The following FSIP2 variants were observed in gnomAD, a reference collection of about 807,000 sequenced individuals.
FSIP2 encodes fibrous sheath-interacting protein 2.
Under a neutral mutation model 510.5 loss-of-function variants are expected in FSIP2, and 367 were observed. The observed-to-expected ratio is 0.72, with a 90% CI of 0.66 to 0.78. FSIP2 has a LOEUF of 0.78. Among genes scored for constraint, FSIP2 ranks in the 30% least tolerant of loss-of-function variants. FSIP2 has a pLI of 0.00. For missense variants in FSIP2, 7,594 were observed against 7,901.7 expected (o/e 0.96, Z 1.48); for synonymous variants, 2,601 against 2,732.2 (o/e 0.95, Z 1.50).
Position 185,790,350 on chromosome 2 carries a change from C to G in FSIP2, c.3214C>G (p.Pro1072Ala). The change falls in exon 16 of 23, where the codon CCA becomes GCA. Residue 1072 changes from proline (P) to alanine (A), a missense_variant. By Grantham distance (27) the Pro-to-Ala change is conservative. Transcript: ENST00000424728. ...TCATGATTGGGAATTAAAGACTGAG[C>G]CACCATCTACTAATCATGAAGATAT... is the stretch of plus-strand genomic sequence containing the variant. ...AFHDWELKTE[P>A]PSTNHEDILK... 6.5e-7 allele frequency: 1 copy of G among 1,532,508 alleles called. No homozygotes were observed. The highest frequency in any genetic ancestry group is 1.4e-5 in the African/African-American group (1 of 72,880). The allele number at this position is 1,532,508 out of a possible 1,614,324, so 94.9% of individuals were successfully genotyped here. A position where few individuals can be genotyped will look rare whatever the true frequency, so the allele number is the denominator to read the frequency against.
chr2:185,828,260 T>G (rs368435483), intron 21 of FSIP2, 61 bp downstream of exon 21: 321 of 912,270 alleles, frequency 3.5e-4, no homozygotes, highest in Middle Eastern at 2.0e-3. Context: ...AACAACTCAG[T>G]TTTCATAGTT....
intron 19 of FSIP2, among the ~76,000 whole-genome samples, chr2:185,822,683 T>A (rs1341640450): frequency 6.6e-6 from 1 of 151,088 alleles, no homozygotes; most frequent in Non-Finnish European, 1.5e-5. Flanking sequence ...ATACCAATAA[T>A]TTTTTTTTGC....
chr2:185,803,168 C>T lies in FSIP2; in HGVS notation c.13862C>T (p.Thr4621Ile), dbSNP rs1314955951. 7.2e-6 allele frequency: 11 copies of T among 1,532,276 alleles called. No homozygotes were observed. The highest frequency in any genetic ancestry group is 9.6e-6 in the Non-Finnish European group (11 of 1,144,602). 94.9% of individuals were successfully genotyped at this position (1,532,276 alleles called of 1,614,324 possible). A position where few individuals can be genotyped will look rare whatever the true frequency, so the allele number is the denominator to read the frequency against. ...TTTTATACCAGTGTTTACTCTTCAA[C>T]ATTCTTGGAAGATGTAATCTCTGGG... ...QLFYTSVYSS[T>I]FLEDVISGVL... The change falls in exon 17 of 23, where the codon ACA becomes ATA. Residue 4621 changes from threonine (T) to isoleucine (I), a missense_variant. Coordinates refer to ENST00000424728, the MANE Select transcript of FSIP2 (RefSeq NM_173651.4).
At position 185,789,313 on chromosome 2, in the gene FSIP2, TCTC is replaced by T. The variant is rs1380300639; in HGVS notation, c.2178_2180del (p.Ser728del). 6.5e-7 allele frequency: 1 copy of T among 1,534,762 alleles called. No homozygotes were observed. The highest frequency in any genetic ancestry group is 8.7e-7 in the Non-Finnish European group (1 of 1,145,998). On this transcript the variant is annotated inframe_deletion, in exon 16 of 23. Coordinates refer to ENST00000424728, the MANE Select transcript of FSIP2 (RefSeq NM_173651.4). ...GATTTAACCCAGGCCATTCCCTCTC[TCTC>T]TTCTGTTACTGCTGAAGTTTTTGTT...
chr2:185,782,856 T>C (rs894725120), intron 14 of FSIP2, 94 bp downstream of exon 14: 1 of 718,028 alleles, frequency 1.4e-6, no homozygotes, highest in Non-Finnish European at 2.4e-6. Context: ...GAATCCTCCA[T>C]TTTTATAGTT....
chr2:185,786,507 A>T (rs1484933699), intron 15 of FSIP2, among the ~76,000 whole-genome samples: 1 of 151,964 alleles, frequency 6.6e-6, no homozygotes, highest in Non-Finnish European at 1.5e-5. Context: ...TGACCCTTCA[A>T]GACGAGGTCT....
intron 9 of FSIP2, among the ~76,000 whole-genome samples, chr2:185,758,557 T>A (rs1156911244): frequency 6.6e-6 from 1 of 151,220 alleles, no homozygotes; most frequent in Non-Finnish European, 1.5e-5. Context: ...TACTATTAAG[T>A]GAAAATGGAT....
At chr2:185,745,589 T>A (rs1469370110) in intron 5 of FSIP2, 21 bp downstream of exon 5, 1 of 1,523,856 alleles carries the variant, frequency 6.6e-7, no homozygotes, top group African/African-American at 1.4e-5. Context: ...AGTTGAGGCA[T>A]ATTTTATGGG....
intron 15 of FSIP2, among the ~76,000 whole-genome samples, chr2:185,787,008 T>C (rs1381312763): frequency 1.3e-5 from 2 of 151,866 alleles, no homozygotes; most frequent in Non-Finnish European, 2.9e-5. Flanking sequence ...CTCTTTTATA[T>C]ATTGAGGTTG....
Position 185,791,611 on chromosome 2 carries a change from T to C in FSIP2, c.4475T>C (p.Leu1492Pro). ...TCTAAAGCAATTTTGGATTATATCC[T>C]TGCAAAATTATGTGGTGTTGACATG... The part of the protein sequence containing the change: ...LISKAILDYI[L>P]AKLCGVDMDT... The change falls in exon 16 of 23, where the codon CTT becomes CCT. Residue 1492 changes from leucine (L) to proline (P), a missense_variant. Leu to Pro is a moderately conservative substitution (Grantham distance 98, BLOSUM62 -3). Coordinates refer to ENST00000424728, the MANE Select transcript of FSIP2 (RefSeq NM_173651.4). 6.5e-6 allele frequency: 10 copies of C among 1,534,256 alleles called. No individual in the cohort carries two copies. Among genetic ancestry groups the C allele is most frequent in the Non-Finnish European group, 8.7e-6 (10 of 1,145,598 alleles).
intron 19 of FSIP2, among the ~76,000 whole-genome samples, chr2:185,821,872 G>A (rs1428376844): frequency 6.6e-6 from 1 of 150,418 alleles, no homozygotes; most frequent in Non-Finnish European, 1.5e-5. Context: ...GCTGCAGTGA[G>A]CTGTGATCAC....
intron 20 of FSIP2, among the ~76,000 whole-genome samples, chr2:185,824,914 T>A (rs546378385): frequency 2.6e-5 from 4 of 152,016 alleles, no homozygotes; most frequent in African/African-American, 9.6e-5. Flanking sequence ...TTTTTCTATA[T>A]ATTTTTTGTT....
In FSIP2 at chr2:185,795,232, A is replaced by G; in HGVS notation, c.8096A>G (p.Glu2699Gly). The G allele has an allele frequency of 2.0e-6, 3 of 1,535,138 alleles. No individual in the cohort carries two copies. The highest frequency in any genetic ancestry group is 2.6e-6 in the Non-Finnish European group (3 of 1,146,278). Reference sequence around the variant, plus strand: ...AGCAAAACCAAGTTAGGTCCTGGAGAGAAGACCCTAAAAGACAGCAGATCC... The same window carrying G: ...AGCAAAACCAAGTTAGGTCCTGGAGGGAAGACCCTAAAAGACAGCAGATCC... ...AKSKTKLGPG[E>G]KTLKDSRSKT... Residue 2699 changes from glutamate (E) to glycine (G), a missense_variant, in exon 16 of 23, where the codon GAG becomes GGG. Physicochemically the swap from Glu to Gly is moderately conservative, Grantham distance 98. Transcript: ENST00000424728.
Position 185,789,273 on chromosome 2 carries a change from C to A in FSIP2, c.2137C>A (p.Arg713=), listed in dbSNP as rs144096860. 6.5e-7 allele frequency: 1 copy of A among 1,534,464 alleles called. No homozygotes were observed. Among genetic ancestry groups the A allele is most frequent in the East Asian group, 2.4e-5 (1 of 40,864 alleles). ...ETEVILESIL[R]EIMSDLTQAI... is the part of the protein sequence containing the mutation. The stretch of plus-strand genomic sequence containing the variant: ...TGAAGTGATTTTAGAAAGCATTTTG[C>A]GAGAAATAATGTCTGATTTAACCCA... Residue 713 remains arginine, a synonymous_variant, in exon 16 of 23, where the codon CGA becomes AGA. Transcript: ENST00000424728.
In FSIP2 at chr2:185,788,986, T is replaced by C. The variant is rs1559024843; in HGVS notation, c.1850T>C (p.Ile617Thr). The C allele has an allele frequency of 1.3e-6, 2 of 1,534,416 alleles. No individual in the cohort carries two copies. Among genetic ancestry groups the C allele is most frequent in the Admixed American group, 3.9e-5 (2 of 50,892 alleles). The change falls in exon 16 of 23, where the codon ATA becomes ACA. Residue 617 changes from isoleucine to threonine, a missense_variant. Ile to Thr is a moderately conservative substitution (Grantham distance 89). Transcript: ENST00000424728. Reference protein sequence around the residue: ...EKTVVGKTCHIKGQSIISKHK... With the variant: ...EKTVVGKTCHTKGQSIISKHK... ...ACAGTTGTGGGGAAAACATGTCACA[T>C]AAAAGGACAATCTATAATCTCTAAA...
At chr2:185,760,365 T>A (rs1223273906) in intron 9 of FSIP2, among the ~76,000 whole-genome samples, 1 of 149,706 alleles carries the variant, frequency 6.7e-6, no homozygotes, top group Admixed American at 6.7e-5. Context: ...ATATTTACCA[T>A]GTGACCAGTC....
chr2:185,751,445 T>C (rs1373341357), intron 7 of FSIP2, among the ~76,000 whole-genome samples: 1 of 143,494 alleles, frequency 7.0e-6, no homozygotes, highest in East Asian at 2.1e-4. Context: ...AAGACCAAAT[T>C]TGGGTCTTTA....
chr2:185,786,307 A>G lies in FSIP2; in HGVS notation c.1506+19A>G, dbSNP rs777937143. 6.7e-7 allele frequency: 1 copy of G among 1,500,990 alleles called. No homozygotes were observed. The highest frequency in any genetic ancestry group is 8.9e-7 in the Non-Finnish European group (1 of 1,120,074). The allele number at this position is 1,500,990 out of a possible 1,614,324, so 93.0% of individuals were successfully genotyped here. ...AGAAAAAGTATGTATCATAAAATCC[A>G]CCGAGAAAGCAACATATTAGTCATA... is the stretch of plus-strand genomic sequence containing the variant. On this transcript the variant is annotated intron_variant, in intron 15 of 22. Coordinates refer to ENST00000424728, the MANE Select transcript of FSIP2 (RefSeq NM_173651.4).
chr2:185,767,278 C>A (rs1436902098), intron 13 of FSIP2, among the ~76,000 whole-genome samples: 5 of 149,154 alleles, frequency 3.4e-5, no homozygotes, highest in Middle Eastern at 6.9e-3. Flanking sequence ...TGTAACTAAC[C>A]TGCACAATGT....
Sources: gnomAD v4.1 joint callset for allele counts (sites outside exome capture counted in the v4.1 genomes callset) on GRCh38, gnomAD v4.1.1 for gene constraint, MANE v1.5 for transcripts, NCBI Gene and HGNC (gene_info 2026-07-23, HGNC 2026-07-21) for gene names.